PRKCQ: variants seen among roughly 807,000 people sequenced by gnomAD.
The protein encoded by PRKCQ is protein kinase C theta type.
A neutral mutation model predicts 91.2 loss-of-function variants in PRKCQ; 41 were observed. That is an observed-to-expected ratio of 0.45 (90% CI 0.35 to 0.58). The LOEUF (loss-of-function observed/expected upper bound fraction) is 0.58, where lower values mean the gene tolerates loss of function less well. Ranked by LOEUF, PRKCQ falls within the 20% of genes least tolerant of loss-of-function variation. The probability of loss-of-function intolerance (pLI) is 0.00; values close to 1 mark genes in which losing one functional copy is unlikely to be tolerated. For synonymous variants in PRKCQ, 307 were observed against 316.9 expected (o/e 0.97, Z 0.33); for missense variants, 673 against 896.5 (o/e 0.75, Z 3.18).
chr10:6,503,712 A>G (rs1482700878), intron 4 of PRKCQ, among the ~76,000 whole-genome samples: 1 of 152,116 alleles, frequency 6.6e-6, no homozygotes, highest in Non-Finnish European at 1.5e-5. Context: ...TTCCCAGTCT[A>G]GCTATTTTAA....
chr10:6,486,361 C>T (rs141675410), intron 8 of PRKCQ, among the ~76,000 whole-genome samples: 93 of 152,206 alleles, frequency 6.1e-4, no homozygotes, highest in African/African-American at 1.9e-3. Flanking sequence ...GGGGTTCAGA[C>T]GCCAGACCAA....
chr10:6,537,511 C>A (rs758423814), intron 1 of PRKCQ, among the ~76,000 whole-genome samples: 1 of 152,164 alleles, frequency 6.6e-6, no homozygotes, highest in African/African-American at 2.4e-5. Flanking sequence ...CAGAAGCTAA[C>A]CTGAGGACAT....
intron 1 of PRKCQ, among the ~76,000 whole-genome samples, chr10:6,566,888 AG>A (rs1168535453): frequency 6.6e-6 from 1 of 152,102 alleles, no homozygotes; most frequent in Non-Finnish European, 1.5e-5. Flanking sequence ...CGGAGTGCTT[AG>A]GGCTCTCAAT....
chr10:6,538,481 T>C (rs1369872253), intron 1 of PRKCQ, among the ~76,000 whole-genome samples: 8 of 152,256 alleles, frequency 5.3e-5, no homozygotes, highest in Non-Finnish European at 1.2e-4. Context: ...AAATCTATCA[T>C]AGGCATGGCT....
intron 1 of PRKCQ, among the ~76,000 whole-genome samples, chr10:6,574,600 T>C (rs1841160499): frequency 1.3e-5 from 2 of 152,224 alleles, no homozygotes; most frequent in African/African-American, 4.8e-5. Context: ...CACATGCTCC[T>C]TTCTCGCAGC....
At chr10:6,557,895 A>G (rs1466566804) in intron 1 of PRKCQ, among the ~76,000 whole-genome samples, 2 of 152,040 alleles carry the variant, frequency 1.3e-5, no homozygotes, top group Non-Finnish European at 2.9e-5. Context: ...TCCTCCAACC[A>G]TCTACGCAAC....
chr10:6,463,097 C>A (rs1252123406), intron 13 of PRKCQ, among the ~76,000 whole-genome samples: 1 of 152,124 alleles, frequency 6.6e-6, no homozygotes, highest in African/African-American at 2.4e-5. Context: ...CCTGTATGCA[C>A]CATTCTGAAT....
chr10:6,434,314 T>TA (rs1484013295), intron 16 of PRKCQ, among the ~76,000 whole-genome samples: 1 of 152,184 alleles, frequency 6.6e-6, no homozygotes, highest in Non-Finnish European at 1.5e-5. Context: ...GAACATGTGG[T>TA]ATTTGTACCA....
chr10:6,394,942 C>A, the PRKCQ span, among the ~76,000 whole-genome samples: 1 of 152,104 alleles, frequency 6.6e-6, no homozygotes, highest in African/African-American at 2.4e-5. Context: ...TTACTGTAAC[C>A]ATCCAGTGGG....
rs764743021 is a variant in PRKCQ at position 6,498,470 on chromosome 10, G to A, written c.468C>T (p.His156=). The change falls in exon 5 of 18, where the codon CAC becomes CAT. Residue 156 remains histidine (H), a synonymous_variant. Coordinates refer to ENST00000263125, the MANE Select transcript of PRKCQ (RefSeq NM_006257.5). ...RGAIKQAKVH[H]VKCHEFTATF... ...TGGCAGTGAACTCGTGGCACTTGAC[G>A]TGGTGGACCTTTGCCTGCTTGATGG... is the stretch of plus-strand genomic sequence containing the variant. The A allele has an allele frequency of 3.2e-5, 52 of 1,614,088 alleles. No homozygotes were observed. Among genetic ancestry groups the A allele is most frequent in the Admixed American group, 2.3e-4 (14 of 59,998 alleles).
intron 7 of PRKCQ, among the ~76,000 whole-genome samples, chr10:6,496,282 T>A (rs1021900195): frequency 1.3e-5 from 2 of 148,660 alleles, no homozygotes; most frequent in African/African-American, 5.0e-5. Flanking sequence ...TAAATACATA[T>A]AAATTTTTAA....
chr10:6,403,058 T>C, the PRKCQ span, among the ~76,000 whole-genome samples: 72 of 152,370 alleles, frequency 4.7e-4, no homozygotes, highest in African/African-American at 1.5e-3. Flanking sequence ...TCTACTCTCC[T>C]ATCCCTTCAC....
intron 1 of PRKCQ, among the ~76,000 whole-genome samples, chr10:6,531,862 T>C (rs1388737292): frequency 1.3e-5 from 2 of 152,178 alleles, no homozygotes; most frequent in African/African-American, 2.4e-5. Flanking sequence ...GATCTCGTGG[T>C]CTGCCCTCTC....
intron 17 of PRKCQ, among the ~76,000 whole-genome samples, chr10:6,429,980 G>A (rs989880333): frequency 2.0e-5 from 3 of 150,676 alleles, no homozygotes; most frequent in Non-Finnish European, 3.0e-5. Context: ...TCAGCCTCCC[G>A]AGTAGCCAGG....
intron 16 of PRKCQ, among the ~76,000 whole-genome samples, chr10:6,441,617 A>G (rs566266404): frequency 2.0e-5 from 3 of 152,082 alleles, no homozygotes; most frequent in Non-Finnish European, 4.4e-5. Flanking sequence ...TGAACCAACT[A>G]CATCTCCAGG....
At chr10:6,574,530 C>T (rs1841156049) in intron 1 of PRKCQ, among the ~76,000 whole-genome samples, 1 of 152,196 alleles carries the variant, frequency 6.6e-6, no homozygotes, top group Admixed American at 6.5e-5. Context: ...GCTTACAGGT[C>T]CTATGTGATC....
chr10:6,498,335 T>C lies in PRKCQ; in HGVS notation c.542+61A>G, dbSNP rs1351635020. ...CAGTGGAGCATGCCAGCGTAGAGGA[T>C]TAAGAAGACGCAACAAAATGCATAA... On this transcript the variant is annotated intron_variant, in intron 5 of 17. Transcript: ENST00000263125. 1.9e-6 allele frequency: 3 copies of C among 1,574,610 alleles called. No individual in the cohort carries two copies. In the African/African-American group the frequency reaches 4.1e-5, roughly 21 times the overall value.
chr10:6,574,844 C>T (rs1227470411), intron 1 of PRKCQ, among the ~76,000 whole-genome samples: 2 of 152,192 alleles, frequency 1.3e-5, no homozygotes, highest in Non-Finnish European at 2.9e-5. Flanking sequence ...GTTCCTACCT[C>T]CCAGAACCCC....
chr10:6,419,445 C>T, the PRKCQ span, among the ~76,000 whole-genome samples: 2 of 151,102 alleles, frequency 1.3e-5, no homozygotes, highest in Non-Finnish European at 3.0e-5. Flanking sequence ...TTTATTTAAT[C>T]AATTCCCCAC....
Sources: gnomAD v4.1 joint callset for allele counts (sites outside exome capture counted in the v4.1 genomes callset) on GRCh38, gnomAD v4.1.1 for gene constraint, MANE v1.5 for transcripts, NCBI Gene and HGNC (gene_info 2026-07-23, HGNC 2026-07-21) for gene names.